DIS3L2: variants seen among roughly 807,000 people sequenced by gnomAD.
DIS3L2 encodes the protein DIS3-like exonuclease 2.
A neutral mutation model predicts 97.5 loss-of-function variants in DIS3L2; 34 were observed. The ratio of observed to expected loss-of-function variants is 0.35; its 90% CI spans 0.27 to 0.46. DIS3L2 has a LOEUF of 0.46. DIS3L2 is among the 20% of genes least tolerant of loss of function. The probability of loss-of-function intolerance (pLI) is 1.00; values close to 1 mark genes in which losing one functional copy is unlikely to be tolerated. For missense variants in DIS3L2, 1,038 were observed against 1,146.0 expected (o/e 0.91, Z 1.36); for synonymous variants, 435 against 445.2 (o/e 0.98, Z 0.29).
At chr2:232,142,173 A>G (rs780472226) in intron 8 of DIS3L2, among the ~76,000 whole-genome samples, 2 of 152,132 alleles carry the variant, frequency 1.3e-5, no homozygotes, top group Non-Finnish European at 2.9e-5. Flanking sequence ...TTCAAGGGGT[A>G]TGGACCTGGC....
At chr2:232,121,891 G>A (rs1473991325) in intron 6 of DIS3L2, among the ~76,000 whole-genome samples, 1 of 152,042 alleles carries the variant, frequency 6.6e-6, no homozygotes, top group Non-Finnish European at 1.5e-5. Flanking sequence ...TGCCAGTTTT[G>A]CCTTCTACAT....
rs984503127 is a variant in DIS3L2 at position 232,149,192 on chromosome 2, A to G, written c.950+12473A>G. On this transcript the variant is annotated intron_variant, in intron 8 of 20. Coordinates refer to ENST00000325385, the MANE Select transcript of DIS3L2 (RefSeq NM_152383.5). ...CAAATCTTTCATTCCAGCGCTTAAAAGTTTTTTTTTTTTTTTTATTATATT... is the reference window on the plus strand; with the variant it reads ...CAAATCTTTCATTCCAGCGCTTAAAGGTTTTTTTTTTTTTTTTATTATATT... Among the ~76,000 whole-genome samples the G allele has an allele frequency of 7.2e-5, 10 of 138,636 alleles. No individual in the cohort carries two copies. The South Asian group carries it at 1.3e-3, about 18-fold the overall frequency. The allele number at this position is 138,636 out of a possible 152,430, so 91.0% of individuals were successfully genotyped here.
intron 10 of DIS3L2, among the ~76,000 whole-genome samples, chr2:232,218,125 C>T (rs907978832): frequency 3.3e-5 from 5 of 152,080 alleles, no homozygotes; most frequent in African/African-American, 1.2e-4. Flanking sequence ...GAAAAAGAAG[C>T]GGGTGAAAGG....
At chr2:232,047,832 T>C (rs992993452) in intron 5 of DIS3L2, among the ~76,000 whole-genome samples, 1 of 152,260 alleles carries the variant, frequency 6.6e-6, no homozygotes, top group African/African-American at 2.4e-5. Context: ...ATTTGTCGTT[T>C]TGTGTTTGTG....
intron 1 of DIS3L2, among the ~76,000 whole-genome samples, chr2:231,976,651 T>C (rs1199376468): frequency 6.6e-6 from 1 of 151,206 alleles, no homozygotes; most frequent in Non-Finnish European, 1.5e-5. Context: ...AAATTACAAA[T>C]TGAAAATGAT....
intron 8 of DIS3L2, among the ~76,000 whole-genome samples, chr2:232,140,476 C>T (rs982260235): frequency 6.6e-6 from 1 of 152,142 alleles, no homozygotes; most frequent in African/African-American, 2.4e-5. Flanking sequence ...CTAGAAAACA[C>T]ACAAGGAGTA....
At chr2:232,336,087 G>A in intron 20 of DIS3L2, 1 of 1,543,310 alleles carries the variant, frequency 6.5e-7, no homozygotes, top group East Asian at 2.5e-5. Context: ...CAACCACAGT[G>A]GAGAGAGGAG....
At chr2:231,986,935 G>A (rs1574788330) in intron 1 of DIS3L2, among the ~76,000 whole-genome samples, 1 of 152,218 alleles carries the variant, frequency 6.6e-6, no homozygotes, top group East Asian at 1.9e-4. Flanking sequence ...ATTTTGTGAT[G>A]ACTTCAGATA....
chr2:232,254,108 C>T (rs1213587408), intron 12 of DIS3L2, among the ~76,000 whole-genome samples: 1 of 152,174 alleles, frequency 6.6e-6, no homozygotes, highest in Non-Finnish European at 1.5e-5. Flanking sequence ...GCACACCTAA[C>T]AGTGACTACT....
chr2:232,249,881 G>A (rs1334022267), intron 12 of DIS3L2, among the ~76,000 whole-genome samples: 1 of 152,248 alleles, frequency 6.6e-6, no homozygotes, highest in Non-Finnish European at 1.5e-5. Flanking sequence ...GAGCGGTGAA[G>A]ATGAATTAGC....
chr2:232,024,861 A>G (rs986098598), intron 4 of DIS3L2, among the ~76,000 whole-genome samples: 4 of 151,874 alleles, frequency 2.6e-5, no homozygotes, highest in Admixed American at 6.6e-5. Context: ...TACATTTATG[A>G]CTCATTTTAA....
At chr2:232,126,270 T>C (rs761693691) in intron 6 of DIS3L2, among the ~76,000 whole-genome samples, 1 of 152,256 alleles carries the variant, frequency 6.6e-6, no homozygotes, top group Non-Finnish European at 1.5e-5. Flanking sequence ...TCAGTTTCAT[T>C]GTCTGGGCCT....
chr2:232,297,116 C>T lies in DIS3L2; in HGVS notation c.1660-2924C>T, dbSNP rs192320350. On this transcript the variant is annotated intron_variant, in intron 13 of 20. Transcript: ENST00000325385. ...GCTGTCTCCAACGCCACTGCACCTC[C>T]GTAAGCCAAATCCTCATCATCTCAT... Among the ~76,000 whole-genome samples the T allele has an allele frequency of 6.6e-5, 10 of 152,312 alleles. No individual in the cohort carries two copies. In the East Asian group the frequency reaches 9.6e-4, roughly 15 times the overall value.
At chr2:232,121,159 T>C (rs879865637) in intron 6 of DIS3L2, among the ~76,000 whole-genome samples, 1 of 152,176 alleles carries the variant, frequency 6.6e-6, no homozygotes, top group Non-Finnish European at 1.5e-5. Context: ...CACAGCATTC[T>C]GACTTCACTT....
chr2:231,972,116 C>T (rs912465277), intron 1 of DIS3L2, among the ~76,000 whole-genome samples: 5 of 151,430 alleles, frequency 3.3e-5, no homozygotes, highest in Admixed American at 1.3e-4. Flanking sequence ...ACCTGGGAGG[C>T]GGAGGTTGCA....
chr2:232,041,710 G>A (rs16828585), intron 5 of DIS3L2, among the ~76,000 whole-genome samples: 20,977 of 152,122 alleles, frequency 0.14, 1,869 homozygotes, highest in South Asian at 0.34. Flanking sequence ...ACACTCAATC[G>A]GCAAAACAAT....
At chr2:232,055,272 G>A (rs1207651203) in intron 5 of DIS3L2, among the ~76,000 whole-genome samples, 1 of 152,142 alleles carries the variant, frequency 6.6e-6, no homozygotes, top group Non-Finnish European at 1.5e-5. Flanking sequence ...CATGAGGATT[G>A]GGAAAGTAAG....
Position 232,292,398 on chromosome 2 carries a change from T to C in DIS3L2, c.1660-7642T>C, listed in dbSNP as rs1694626375. ...CCATCTGCTGGGAGGGTCGCCTTGC[T>C]GTCTCCATTGTCATCCTACCCAGAA... On this transcript the variant is annotated intron_variant, in intron 13 of 20. Coordinates refer to ENST00000325385, the MANE Select transcript of DIS3L2 (RefSeq NM_152383.5). The surrounding 1 kb of genome is among the most constrained non-coding windows in gnomAD (Gnocchi z 4.4). Among the ~76,000 whole-genome samples, 2 of 152,174 alleles carry C rather than the reference T, an allele frequency of 1.3e-5. No individual in the cohort carries two copies. Among genetic ancestry groups the C allele is most frequent in the Non-Finnish European group, 2.9e-5 (2 of 68,024 alleles).
chr2:232,251,210 C>A (rs1044790113), intron 12 of DIS3L2, among the ~76,000 whole-genome samples: 2 of 151,864 alleles, frequency 1.3e-5, no homozygotes, highest in Non-Finnish European at 2.9e-5. Flanking sequence ...ATGAAGTAAA[C>A]AGGAAAAAGT....
Sources: allele counts gnomAD v4.1 joint callset (sites outside exome capture counted in the v4.1 genomes callset), GRCh38; gene constraint gnomAD v4.1.1; non-coding constraint Gnocchi (gnomAD v3.1); transcripts MANE v1.5; gene names NCBI Gene and HGNC (gene_info 2026-07-23, HGNC 2026-07-21).